The following SIKE1 variants were observed in gnomAD, a reference collection of about 807,000 sequenced individuals.
SIKE1 encodes suppressor of IKBKE 1.
A neutral mutation model predicts 25.8 loss-of-function variants in SIKE1; 13 were observed. The ratio of observed to expected loss-of-function variants is 0.50; its 90% CI spans 0.33 to 0.80. SIKE1 has a LOEUF of 0.80. Among genes scored for constraint, SIKE1 ranks in the 30% least tolerant of loss-of-function variants. The probability of loss-of-function intolerance (pLI) is 0.02; values close to 1 mark genes in which losing one functional copy is unlikely to be tolerated. For missense variants in SIKE1, 222 were observed against 252.4 expected (o/e 0.88, Z 0.82); for synonymous variants, 86 against 95.5 (o/e 0.90, Z 0.58).
Position 114,770,418 on chromosome 1 carries a change from A to G in SIKE1, c.*3853T>C, listed in dbSNP as rs1047326938. On this transcript the variant is annotated 3_prime_UTR_variant, in exon 5 of 5. Transcript: ENST00000060969. The stretch of plus-strand genomic sequence containing the variant: ...TCAAAAAATAAAAATAAAAAAATAG[A>G]ATTAGAGGTTATCGCTAACTAAATC... 7 of 152,176 alleles carry G rather than the reference A, an allele frequency of 4.6e-5. No individual in the cohort carries two copies. The highest frequency in any genetic ancestry group is 1.7e-4 in the African/African-American group (7 of 41,418). The allele number at this position is 152,176 out of a possible 1,614,324, so 9.4% of individuals were successfully genotyped here. A position where few individuals can be genotyped will look rare whatever the true frequency, so the allele number is the denominator to read the frequency against.
At position 114,776,286 on chromosome 1, in the gene SIKE1, A is replaced by C. The variant is rs1054872473; in HGVS notation, c.522+60T>G. 2.8e-5 allele frequency: 28 copies of C among 1,002,448 alleles called. No individual in the cohort carries two copies. The African/African-American group carries it at 3.8e-4, about 14-fold the overall frequency. The allele number at this position is 1,002,448 out of a possible 1,614,324, so 62.1% of individuals were successfully genotyped here. On this transcript the variant is annotated intron_variant, in intron 4 of 4. Transcript: ENST00000060969. ...ATTACAGTGATGGGATAGTGATGGC[A>C]TATCTTCCAGACTCGGAAAACTATG...
In SIKE1 at chr1:114,779,148, G is replaced by A. The variant is rs760955389; in HGVS notation, c.402C>T (p.His134=). 1 of 1,614,164 alleles carries A rather than the reference G, an allele frequency of 6.2e-7. No homozygotes were observed. Among genetic ancestry groups the A allele is most frequent in the South Asian group, 1.1e-5 (1 of 91,056 alleles). ...TTTATTCAAAGTTTCTTACTGCAGA[G>A]TGAGACTGGTGAGCTTTCAGGACTG... ...AEPVLKAHQS[H]SAEIESQIDR... The change falls in exon 3 of 5, where the codon CAC becomes CAT. Residue 134 remains histidine (H), a synonymous_variant. Transcript: ENST00000060969.
Position 114,774,193 on chromosome 1 carries a change from T to A in SIKE1, c.*78A>T. 8.8e-7 allele frequency: 1 copy of A among 1,140,634 alleles called. No individual in the cohort carries two copies. Among genetic ancestry groups the A allele is most frequent in the South Asian group, 1.4e-5 (1 of 73,858 alleles). 70.7% of individuals were successfully genotyped at this position (1,140,634 alleles called of 1,614,324 possible). A position where few individuals can be genotyped will look rare whatever the true frequency, so the allele number is the denominator to read the frequency against. On this transcript the variant is annotated 3_prime_UTR_variant, in exon 5 of 5. Transcript: ENST00000060969. ...TTAAATCAAATCTGAGGCAAGACACTTAATGGACAGTACTTGAATGGGAAG... is the reference window on the plus strand; with the variant it reads ...TTAAATCAAATCTGAGGCAAGACACATAATGGACAGTACTTGAATGGGAAG...
At position 114,773,947 on chromosome 1, in the gene SIKE1, C is replaced by A. The variant is rs138495281; in HGVS notation, c.*324G>T. ...AATGCTATGTAAAATAAATTGCTGG[C>A]TTATAAAAAATGCTCAAAGTTTCAG... On this transcript the variant is annotated 3_prime_UTR_variant, in exon 5 of 5. Coordinates refer to ENST00000060969, the MANE Select transcript of SIKE1 (RefSeq NM_025073.3). The A allele has an allele frequency of 6.4e-3, 1,195 of 186,246 alleles. 6 individuals carry two copies. Among genetic ancestry groups the A allele is most frequent in the Non-Finnish European group, 9.1e-3 (820 of 90,376 alleles). The allele number at this position is 186,246 out of a possible 1,614,324, so 11.5% of individuals were successfully genotyped here. A position where few individuals can be genotyped will look rare whatever the true frequency, so the allele number is the denominator to read the frequency against.
At chr1:114,779,999 A>C (rs1570992534) in intron 2 of SIKE1, 111 bp downstream of exon 2, 2 of 709,204 alleles carry the variant, frequency 2.8e-6, no homozygotes, top group African/African-American at 3.6e-5. Context: ...GATCAGGAGG[A>C]CTCTCCTACT....
chr1:114,769,628 C>G lies in SIKE1; in HGVS notation c.*4643G>C, dbSNP rs1253985181. ...TAGAGACATGTTGAGTGAAAAAAAC[C>G]AAATCCTTAGACTACATAGAGTATG... On this transcript the variant is annotated 3_prime_UTR_variant, in exon 5 of 5. Coordinates refer to ENST00000060969, the MANE Select transcript of SIKE1 (RefSeq NM_025073.3). 6.6e-6 allele frequency: 1 copy of G among 151,390 alleles called. No homozygotes were observed. The highest frequency in any genetic ancestry group is 2.4e-5 in the African/African-American group (1 of 41,188). The allele number at this position is 151,390 out of a possible 1,614,324, so 9.4% of individuals were successfully genotyped here. A position where few individuals can be genotyped will look rare whatever the true frequency, so the allele number is the denominator to read the frequency against.
Position 114,780,675 on chromosome 1 carries a change from G to T in SIKE1, c.-68C>A. 2 of 1,386,936 alleles carry T rather than the reference G, an allele frequency of 1.4e-6. No individual in the cohort carries two copies. The highest frequency in any genetic ancestry group is 2.0e-6 in the Non-Finnish European group (2 of 1,022,184). 85.9% of individuals were successfully genotyped at this position (1,386,936 alleles called of 1,614,324 possible). ...ACTCGCTCAGATCTTCTGGGAGTCTGTCTCAGCATTACAGGCGTCATTTCC... is the reference window on the plus strand; with the variant it reads ...ACTCGCTCAGATCTTCTGGGAGTCTTTCTCAGCATTACAGGCGTCATTTCC... On this transcript the variant is annotated 5_prime_UTR_variant, in exon 1 of 5. Coordinates refer to ENST00000060969, the MANE Select transcript of SIKE1 (RefSeq NM_025073.3).
chr1:114,773,483 T>C lies in SIKE1; in HGVS notation c.*788A>G, dbSNP rs990741985. 6.6e-6 allele frequency: 1 copy of C among 151,996 alleles called. No individual in the cohort carries two copies. Among genetic ancestry groups the C allele is most frequent in the African/African-American group, 2.4e-5 (1 of 41,384 alleles). The allele number at this position is 151,996 out of a possible 1,614,324, so 9.4% of individuals were successfully genotyped here. Reference sequence around the variant, plus strand: ...TTGAAAAACTGACTACTTATATTTGTTTTTTTTATTTTGTGTGTGTTTTTG... The same window carrying C: ...TTGAAAAACTGACTACTTATATTTGCTTTTTTTATTTTGTGTGTGTTTTTG... On this transcript the variant is annotated 3_prime_UTR_variant, in exon 5 of 5. Transcript: ENST00000060969.
intron 3 of SIKE1, among the ~76,000 whole-genome samples, chr1:114,777,436 T>C (rs78004937): frequency 6.6e-6 from 1 of 152,232 alleles, no homozygotes; most frequent in Non-Finnish European, 1.5e-5. Context: ...TTGATAATCA[T>C]ATGGTTATCT....
chr1:114,777,994 A>G (rs1229836844), intron 3 of SIKE1, among the ~76,000 whole-genome samples: 3 of 152,136 alleles, frequency 2.0e-5, no homozygotes, highest in Non-Finnish European at 4.4e-5. Flanking sequence ...ATCTGAGTAA[A>G]CTCTGTCTCT....
chr1:114,780,595 T>C lies in SIKE1; in HGVS notation c.13A>G (p.Ile5Val). The stretch of plus-strand genomic sequence containing the variant: ...TTGGCGTCTGTCAGGATCTTCTCGA[T>C]GGTGCAGCTCATAGCAGCAGCACCA... The part of the protein sequence containing the change: MSCT[I>V]EKILTDAKTL... The change falls in exon 1 of 5, where the codon ATC becomes GTC. Residue 5 changes from isoleucine to valine, a missense_variant. Transcript: ENST00000060969. 5 of 1,613,428 alleles carry C rather than the reference T, an allele frequency of 3.1e-6. No individual in the cohort carries two copies. Among genetic ancestry groups the C allele is most frequent in the Non-Finnish European group, 4.2e-6 (5 of 1,179,836 alleles).
intron 4 of SIKE1, among the ~76,000 whole-genome samples, chr1:114,775,448 C>T (rs1442742872): frequency 6.6e-6 from 1 of 151,952 alleles, no homozygotes; most frequent in Admixed American, 6.6e-5. Flanking sequence ...TCTCAAAGGC[C>T]CCAGGACAGC....
At position 114,771,279 on chromosome 1, in the gene SIKE1, G is replaced by C. The variant is rs1254302083; in HGVS notation, c.*2992C>G. On this transcript the variant is annotated 3_prime_UTR_variant, in exon 5 of 5. Transcript: ENST00000060969. Reference sequence around the variant, plus strand: ...TAGAAAATAATATCTCATTAGTTAAGACTCCATTTATTGAATTCATAATAC... The same window carrying C: ...TAGAAAATAATATCTCATTAGTTAACACTCCATTTATTGAATTCATAATAC... 2.0e-5 allele frequency: 3 copies of C among 152,184 alleles called. No homozygotes were observed. Among genetic ancestry groups the C allele is most frequent in the Non-Finnish European group, 4.4e-5 (3 of 68,028 alleles). 9.4% of individuals were successfully genotyped at this position (152,184 alleles called of 1,614,324 possible). A position where few individuals can be genotyped will look rare whatever the true frequency, so the allele number is the denominator to read the frequency against.
intron 3 of SIKE1, 71 bp from the exon 4 acceptor site, chr1:114,776,530 G>A (rs1662245586): frequency 1.0e-6 from 1 of 967,668 alleles, no homozygotes; most frequent in African/African-American, 1.6e-5. Flanking sequence ...GTAAAAGCAT[G>A]TGCATTACGA....
At chr1:114,776,274 G>A (rs1182517595) in intron 4 of SIKE1, 72 bp downstream of exon 4, 2 of 887,074 alleles carry the variant, frequency 2.3e-6, no homozygotes, top group African/African-American at 1.6e-5. Flanking sequence ...ACAGTGATGG[G>A]ATAGTGATGG....
chr1:114,773,264 C>G lies in SIKE1; in HGVS notation c.*1007G>C, dbSNP rs1367870160. The G allele has an allele frequency of 6.6e-6, 1 of 151,540 alleles. No individual in the cohort carries two copies. Among genetic ancestry groups the G allele is most frequent in the African/African-American group, 2.4e-5 (1 of 41,238 alleles). The allele number at this position is 151,540 out of a possible 1,614,324, so 9.4% of individuals were successfully genotyped here. Reference sequence around the variant, plus strand: ...ATTAGGTAACAAAACTGCTTCCTCACCTTTTTATATAGCTTAAACAAAAAA... The same window carrying G: ...ATTAGGTAACAAAACTGCTTCCTCAGCTTTTTATATAGCTTAAACAAAAAA... On this transcript the variant is annotated 3_prime_UTR_variant, in exon 5 of 5. Transcript: ENST00000060969.
intron 3 of SIKE1, among the ~76,000 whole-genome samples, chr1:114,778,030 T>C (rs1343963289): frequency 6.6e-6 from 1 of 152,214 alleles, no homozygotes; most frequent in African/African-American, 2.4e-5. Flanking sequence ...TTTTCCTCCA[T>C]ACGAGAAGAA....
chr1:114,780,389 C>T lies in SIKE1; in HGVS notation c.159+60G>A, dbSNP rs749534389. ...TCCAGGCCGAGTTCCCACTTTACCT[C>T]GCTCTCCACCCTTCAGTGCCCAGAA... On this transcript the variant is annotated intron_variant, in intron 1 of 4. Transcript: ENST00000060969. The T allele has an allele frequency of 4.3e-6, 7 of 1,612,448 alleles. No individual in the cohort carries two copies. In the Admixed American group the frequency reaches 1.0e-4, roughly 23 times the overall value.
rs548300354 is a variant in SIKE1 at position 114,778,958 on chromosome 1, G to T, written c.408+184C>A. On this transcript the variant is annotated intron_variant, in intron 3 of 4. Coordinates refer to ENST00000060969, the MANE Select transcript of SIKE1 (RefSeq NM_025073.3). Reference sequence around the variant, plus strand: ...TGTAGTCCCAGCTGCTCCGGAGGCAGAGGTGAGACGATGGCTTGAGCCCAG... The same window carrying T: ...TGTAGTCCCAGCTGCTCCGGAGGCATAGGTGAGACGATGGCTTGAGCCCAG... The T allele has an allele frequency of 4.7e-6, 3 of 635,566 alleles. No individual in the cohort carries two copies. The South Asian group carries it at 5.9e-5, about 13-fold the overall frequency. The allele number at this position is 635,566 out of a possible 1,614,324, so 39.4% of individuals were successfully genotyped here.
Sources: gnomAD v4.1 joint callset for allele counts (sites outside exome capture counted in the v4.1 genomes callset) on GRCh38, gnomAD v4.1.1 for gene constraint, MANE v1.5 for transcripts, NCBI Gene and HGNC (gene_info 2026-07-23, HGNC 2026-07-21) for gene names.